Variants in HPF1 observed in about 807,000 individuals in gnomAD.
HPF1 encodes the protein histone PARylation factor 1, also known as UPF0609 protein C4orf27.
A neutral mutation model predicts 38.8 loss-of-function variants in HPF1; 35 were observed. The observed-to-expected ratio is 0.90, with a 90% confidence interval of 0.69 to 1.19. The LOEUF (loss-of-function observed/expected upper bound fraction) is 1.19, where lower values mean the gene tolerates loss of function less well. HPF1 is among the 50% of genes most tolerant of loss of function. The pLI, the probability that HPF1 is intolerant of heterozygous loss-of-function variation, is 0.00. For synonymous variants in HPF1, 115 were observed against 139.2 expected, an observed-to-expected ratio of 0.83 and a Z score of 1.22; for missense variants, 367 against 405.8, an observed-to-expected ratio of 0.90 and a Z score of 0.82.
intron 6 of HPF1, 74 bp from the exon 7 acceptor site, chr4:169,731,950 T>C: frequency 1.6e-6 from 2 of 1,282,442 alleles, no homozygotes; most frequent in Non-Finnish European, 2.2e-6. Context: ...GTAAGAAGAT[T>C]ATAAAGAGGG....
chr4:169,736,089 A>G (rs1733888498), intron 6 of HPF1, among the ~76,000 whole-genome samples: 1 of 152,098 alleles, frequency 6.6e-6, no homozygotes, highest in South Asian at 2.1e-4. Context: ...AAATTATAGA[A>G]AATTACAGGC....
At chr4:169,753,027 GGT>G in intron 2 of HPF1, among the ~76,000 whole-genome samples, 2 of 73,528 alleles carry the variant, frequency 2.7e-5, no homozygotes, top group South Asian at 9.1e-4. Flanking sequence ...TCCTTGGTTA[GGT>G]TTTTTTTTTT....
At position 169,742,039 on chromosome 4, in the gene HPF1, T is replaced by C. The variant is rs995027102; in HGVS notation, c.566A>G (p.Asp189Gly). ...KKKINLLKNI[D>G]EKLTEAAREL... The stretch of plus-strand genomic sequence containing the variant: ...TCTGGCTGCTTCTGTGAGTTTTTCA[T>C]CTATGTTTTTCAAGAGATTGATTTT... The change falls in exon 5 of 8, where the codon GAT becomes GGT. Residue 189 changes from aspartate to glycine, a missense_variant. Transcript: ENST00000393381. 4 of 1,611,216 alleles carry C rather than the reference T, an allele frequency of 2.5e-6. No individual in the cohort carries two copies. Among genetic ancestry groups the C allele is most frequent in the Middle Eastern group, 1.7e-4 (1 of 6,036 alleles).
In HPF1 at chr4:169,748,810, C is replaced by A. The variant is rs148314038; in HGVS notation, c.431G>T (p.Gly144Val). ...DSPDEFPVYV[G>V]INEAKKNCII... ...ACAATTTTTCTTTGCTTCATTTATA[C>A]CAACATATACAGGAAATTCATCAGG... is the stretch of plus-strand genomic sequence containing the variant. Residue 144 changes from glycine to valine, a missense_variant, in exon 4 of 8, where the codon GGT becomes GTT. Physicochemically the swap from Gly to Val is moderately radical, Grantham distance 109. Coordinates refer to ENST00000393381, the MANE Select transcript of HPF1 (RefSeq NM_017867.3). 12 of 1,514,460 alleles carry A rather than the reference C, an allele frequency of 7.9e-6. No homozygotes were observed. The highest frequency in any genetic ancestry group is 1.1e-5 in the Non-Finnish European group (12 of 1,118,442). The allele number at this position is 1,514,460 out of a possible 1,614,324, so 93.8% of individuals were successfully genotyped here.
chr4:169,733,362 T>G (rs997407450), intron 6 of HPF1, among the ~76,000 whole-genome samples: 2 of 152,226 alleles, frequency 1.3e-5, no homozygotes, highest in African/African-American at 4.8e-5. Context: ...TATTTAGACT[T>G]CCTTTTGACA....
At chr4:169,734,373 T>C (rs1439065168) in intron 6 of HPF1, among the ~76,000 whole-genome samples, 1 of 152,118 alleles carries the variant, frequency 6.6e-6, no homozygotes, top group East Asian at 1.9e-4. Flanking sequence ...TCAGGGTGGG[T>C]ATGGAAGTGA....
chr4:169,746,171 G>C (rs1441587565), intron 4 of HPF1, among the ~76,000 whole-genome samples: 1 of 152,054 alleles, frequency 6.6e-6, no homozygotes, highest in Non-Finnish European at 1.5e-5. Flanking sequence ...CAATACCAAA[G>C]TATTATAGTA....
intron 3 of HPF1, 114 bp from the exon 4 acceptor site, chr4:169,748,956 GC>G: frequency 5.2e-6 from 3 of 572,140 alleles, no homozygotes; most frequent in Non-Finnish European, 9.4e-6. Flanking sequence ...CTTTTTGGAG[GC>G]CTTTTTTTTT....
chr4:169,730,840 CAT>C (rs926151714), intron 7 of HPF1, among the ~76,000 whole-genome samples: 1 of 152,208 alleles, frequency 6.6e-6, no homozygotes, highest in African/African-American at 2.4e-5. Flanking sequence ...GCAGGTGAGT[CAT>C]ATGCATTTTA....
chr4:169,739,198 TAGAGA>T (rs1316453156), intron 5 of HPF1, among the ~76,000 whole-genome samples: 1 of 152,128 alleles, frequency 6.6e-6, no homozygotes, highest in African/African-American at 2.4e-5. Context: ...AATTTTGTGA[TAGAGA>T]AGAGTTGACT....
intron 6 of HPF1, among the ~76,000 whole-genome samples, chr4:169,737,300 A>AAC (rs1560887475): frequency 1.3e-5 from 2 of 150,450 alleles, no homozygotes; most frequent in Admixed American, 6.6e-5. Context: ...AAAAAAAAAA[A>AAC]AAAAAAACAA....
At chr4:169,738,452 T>C (rs544200300) in intron 5 of HPF1, among the ~76,000 whole-genome samples, 1 of 152,302 alleles carries the variant, frequency 6.6e-6, no homozygotes, top group East Asian at 1.9e-4. Context: ...TCTGTACAAA[T>C]ATTCCACTTC....
chr4:169,738,478 GAA>G lies in HPF1; in HGVS notation c.649-733_649-732del, dbSNP rs141902353. ...ATTCCACTTCTTTGTGCAATTCAGT[GAA>G]AAGTTTCCAAGGCAGAGGAAGGACA... On this transcript the variant is annotated intron_variant, in intron 5 of 7. Coordinates refer to ENST00000393381, the MANE Select transcript of HPF1 (RefSeq NM_017867.3). Among the ~76,000 whole-genome samples the G allele has an allele frequency of 8.2e-3, 1,244 of 152,260 alleles. 17 individuals carry two copies. The highest frequency in any genetic ancestry group is 0.028 in the African/African-American group (1,174 of 41,534).
intron 4 of HPF1, among the ~76,000 whole-genome samples, chr4:169,747,485 GC>G (rs764700540): frequency 6.6e-6 from 1 of 152,108 alleles, no homozygotes; most frequent in Non-Finnish European, 1.5e-5. Context: ...GGGAACAACA[GC>G]CCTTTAAAGA....
chr4:169,745,614 T>C (rs986422230), intron 4 of HPF1, among the ~76,000 whole-genome samples: 13 of 152,196 alleles, frequency 8.5e-5, no homozygotes, highest in African/African-American at 2.7e-4. Flanking sequence ...TCCTATTTCA[T>C]CACAGAATGT....
At chr4:169,757,395 G>A (rs1224314052) in intron 1 of HPF1, among the ~76,000 whole-genome samples, 3 of 152,088 alleles carry the variant, frequency 2.0e-5, no homozygotes, top group Non-Finnish European at 2.9e-5. Context: ...CTACACACCA[G>A]CGTTATAATC....
chr4:169,753,571 C>G (rs1734146834), intron 2 of HPF1, 105 bp downstream of exon 2: 1 of 946,856 alleles, frequency 1.1e-6, no homozygotes, highest in Non-Finnish European at 1.6e-6. Flanking sequence ...CTCAGGCAAT[C>G]CTCCTGCCTC....
chr4:169,745,294 G>A (rs1734033165), intron 4 of HPF1, among the ~76,000 whole-genome samples: 1 of 152,222 alleles, frequency 6.6e-6, no homozygotes, highest in African/African-American at 2.4e-5. Flanking sequence ...GCGACAGCAA[G>A]GGCACGGCCT....
intron 4 of HPF1, among the ~76,000 whole-genome samples, chr4:169,745,178 G>A (rs1560889663): frequency 6.6e-6 from 1 of 152,176 alleles, no homozygotes; most frequent in Admixed American, 6.5e-5. Context: ...ATCTTTGGGG[G>A]TGTGTGACCC....
Sources: gnomAD v4.1 joint callset for allele counts (sites outside exome capture counted in the v4.1 genomes callset) on GRCh38, gnomAD v4.1.1 for gene constraint, MANE v1.5 for transcripts, NCBI Gene and HGNC (gene_info 2026-07-23, HGNC 2026-07-21) for gene names.